The following CSRNP3 variants were observed in gnomAD, a reference collection of about 807,000 sequenced individuals.
CSRNP3 encodes the protein cysteine/serine-rich nuclear protein 3.
Under a neutral mutation model 48.0 loss-of-function variants are expected in CSRNP3, and 12 were observed. The observed-to-expected ratio is 0.25, with a 90% CI of 0.16 to 0.41. The LOEUF (loss-of-function observed/expected upper bound fraction) is 0.41, where lower values mean the gene tolerates loss of function less well. Ranked by LOEUF, CSRNP3 falls within the 10% of genes least tolerant of loss-of-function variation. The pLI is 1.00. For missense variants in CSRNP3, 580 were observed against 724.4 expected, an observed-to-expected ratio of 0.80 and a Z score of 2.29; for synonymous variants, 263 against 269.7, an observed-to-expected ratio of 0.98 and a Z score of 0.24.
chr2:165,602,059 G>C (rs1377256210), intron 4 of CSRNP3, among the ~76,000 whole-genome samples: 1 of 152,114 alleles, frequency 6.6e-6, no homozygotes, highest in East Asian at 1.9e-4. Context: ...TGTAGTATTA[G>C]TTTGAGAACT....
At chr2:165,550,141 AG>A (rs1347766361) in intron 3 of CSRNP3, among the ~76,000 whole-genome samples, 2 of 152,176 alleles carry the variant, frequency 1.3e-5, no homozygotes, top group Non-Finnish European at 2.9e-5. Context: ...TAATGATTTG[AG>A]GACAAAAACA....
intron 1 of CSRNP3, among the ~76,000 whole-genome samples, chr2:165,474,291 A>G (rs1161797154): frequency 1.3e-5 from 2 of 152,030 alleles, no homozygotes; most frequent in Non-Finnish European, 1.5e-5. Context: ...GCAGCAGGCT[A>G]TTCACAGGCA....
intron 2 of CSRNP3, among the ~76,000 whole-genome samples, chr2:165,502,683 CTCTG>C (rs931050078): frequency 2.0e-5 from 3 of 151,842 alleles, no homozygotes; most frequent in Non-Finnish European, 4.4e-5. Context: ...GGTATTTTCT[CTCTG>C]TCTGTCTTCT....
chr2:165,657,610 C>G, intron 4 of CSRNP3, 151 bp from the exon 5 acceptor site: 1 of 828,294 alleles, frequency 1.2e-6, no homozygotes, highest in Non-Finnish European at 1.9e-6. Context: ...AATTAGAACT[C>G]TATGCCAACT....
chr2:165,658,844 G>T lies in CSRNP3; in HGVS notation c.408+824G>T, dbSNP rs1573950343. Reference sequence around the variant, plus strand: ...CCATGATTCAATTATCCCCCACTGGGTCCCTGCCACAACACATGGGAATTA... The same window carrying T: ...CCATGATTCAATTATCCCCCACTGGTTCCCTGCCACAACACATGGGAATTA... On this transcript the variant is annotated intron_variant, in intron 5 of 6. Transcript: ENST00000651982. 2.6e-5 allele frequency among the ~76,000 whole-genome samples: 4 copies of T among 152,204 alleles called. No individual in the cohort carries two copies. The East Asian group carries it at 7.7e-4, about 29-fold the overall frequency.
intron 3 of CSRNP3, among the ~76,000 whole-genome samples, chr2:165,535,091 TGTTA>T (rs1462263330): frequency 6.6e-6 from 1 of 151,788 alleles, no homozygotes; most frequent in African/African-American, 2.4e-5. Context: ...TTTAAATACT[TGTTA>T]GTTATGTTTA....
chr2:165,498,685 A>G (rs529014681), intron 2 of CSRNP3, among the ~76,000 whole-genome samples: 1 of 152,160 alleles, frequency 6.6e-6, no homozygotes, highest in Admixed American at 6.6e-5. Flanking sequence ...GAAAAACAAC[A>G]ATCACTGTGG....
intron 4 of CSRNP3, among the ~76,000 whole-genome samples, chr2:165,625,961 A>C (rs1351113822): frequency 1.3e-5 from 2 of 150,034 alleles, no homozygotes; most frequent in African/African-American, 2.5e-5. Context: ...AGTGGCTCAC[A>C]CCTGTAATCC....
At chr2:165,544,715 T>C (rs1215135174) in intron 3 of CSRNP3, among the ~76,000 whole-genome samples, 2 of 152,170 alleles carry the variant, frequency 1.3e-5, no homozygotes, top group Non-Finnish European at 2.9e-5. Context: ...GTTTAAAATA[T>C]CCATTGTACA....
chr2:165,653,360 G>A (rs551036824), intron 4 of CSRNP3, among the ~76,000 whole-genome samples: 1 of 152,268 alleles, frequency 6.6e-6, no homozygotes, highest in Non-Finnish European at 1.5e-5. Flanking sequence ...ACAAACACAT[G>A]TTTGAATTAT....
At position 165,681,829 on chromosome 2, in the gene CSRNP3, G is replaced by GTGTGTGTA. The variant is rs1553485872; in HGVS notation, c.*2077_*2078insGTGTGTAT. Reference sequence around the variant, plus strand: ...TGTGTGTGTGTGTGTGTGTGTGTGTGTATATATATATATCCCATGTTGTCT... The same window carrying GTGTGTGTA: ...TGTGTGTGTGTGTGTGTGTGTGTGTGTGTGTGTATATATATATATATCCCATGTTGTCT... On this transcript the variant is annotated 3_prime_UTR_variant, in exon 7 of 7. Transcript: ENST00000651982. The GTGTGTGTA allele has an allele frequency of 7.4e-6, 1 of 134,728 alleles. No homozygotes were observed. The highest frequency in any genetic ancestry group is 2.9e-5 in the African/African-American group (1 of 34,982). The allele number at this position is 134,728 out of a possible 1,614,324, so 8.3% of individuals were successfully genotyped here.
intron 4 of CSRNP3, among the ~76,000 whole-genome samples, chr2:165,620,476 A>T (rs1573923895): frequency 6.6e-6 from 1 of 152,164 alleles, no homozygotes; most frequent in African/African-American, 2.4e-5. Flanking sequence ...TGAAAATATT[A>T]AAAAACCATT....
At chr2:165,652,696 C>T (rs1280204737) in intron 4 of CSRNP3, among the ~76,000 whole-genome samples, 1 of 152,030 alleles carries the variant, frequency 6.6e-6, no homozygotes, top group African/African-American at 2.4e-5. Context: ...GCACACACCA[C>T]CACACCTGGC....
intron 3 of CSRNP3, among the ~76,000 whole-genome samples, chr2:165,544,377 C>T (rs1372631082): frequency 3.9e-5 from 6 of 152,062 alleles, no homozygotes; most frequent in African/African-American, 1.4e-4. Context: ...GCCAGTGGAC[C>T]TAGTTATATG....
In CSRNP3 at chr2:165,473,101, T is replaced by G. The variant is rs192493312; in HGVS notation, c.-283+3361T>G. On this transcript the variant is annotated intron_variant, in intron 1 of 6. Coordinates refer to ENST00000651982, the MANE Select transcript of CSRNP3 (RefSeq NM_001172173.2). ...TTTAAGGCACAACCAAAATTATCAA[T>G]GCTTGTCAAGATCCTGAAGAGAATG... Among the ~76,000 whole-genome samples the G allele has an allele frequency of 2.5e-3, 378 of 152,194 alleles. 1 individual carries two copies. Among genetic ancestry groups the G allele is most frequent in the African/African-American group, 8.7e-3 (361 of 41,540 alleles).
At chr2:165,562,861 G>T (rs545236162) in intron 3 of CSRNP3, among the ~76,000 whole-genome samples, 1 of 152,144 alleles carries the variant, frequency 6.6e-6, no homozygotes, top group Non-Finnish European at 1.5e-5. Flanking sequence ...ACATGAAAGA[G>T]AGTGAAAGGG....
intron 3 of CSRNP3, among the ~76,000 whole-genome samples, chr2:165,585,763 C>G (rs1685617507): frequency 6.6e-6 from 1 of 152,138 alleles, no homozygotes; most frequent in African/African-American, 2.4e-5. Context: ...GTTTAACATG[C>G]CTGTTGATCT....
chr2:165,652,497 T>TAAAA (rs201086270), intron 4 of CSRNP3, among the ~76,000 whole-genome samples: 1 of 147,028 alleles, frequency 6.8e-6, no homozygotes, highest in Non-Finnish European at 1.5e-5. Context: ...GACTCAATCT[T>TAAAA]AAAAAAAAAA....
chr2:165,535,779 A>G (rs1159710132), intron 3 of CSRNP3, among the ~76,000 whole-genome samples: 2 of 151,890 alleles, frequency 1.3e-5, no homozygotes, highest in Non-Finnish European at 2.9e-5. Context: ...AAACATATTG[A>G]GAACCTGCTA....
Sources: allele counts gnomAD v4.1 joint callset (sites outside exome capture counted in the v4.1 genomes callset), GRCh38; gene constraint gnomAD v4.1.1; transcripts MANE v1.5; gene names NCBI Gene and HGNC (gene_info 2026-07-23, HGNC 2026-07-21).